TNFAIP8L3: variants seen among roughly 807,000 people sequenced by gnomAD.
TNFAIP8L3 encodes the protein tumor necrosis factor alpha-induced protein 8-like protein 3.
In TNFAIP8L3, 7 loss-of-function variants were observed where a neutral mutation model predicts 11.8. That is an observed-to-expected ratio of 0.59 (90% CI 0.34 to 1.11). The LOEUF (loss-of-function observed/expected upper bound fraction) is 1.11, where lower values mean the gene tolerates loss of function less well. Ranked by LOEUF, TNFAIP8L3 falls within the 50% of genes most tolerant of loss-of-function variation. TNFAIP8L3 has a pLI of 0.03. For synonymous variants in TNFAIP8L3, 98 were observed against 103.8 expected, an observed-to-expected ratio of 0.94 and a Z score of 0.34; for missense variants, 219 against 258.6, an observed-to-expected ratio of 0.85 and a Z score of 1.05.
At chr15:51,070,873 C>T (rs1487090817) in intron 1 of TNFAIP8L3, among the ~76,000 whole-genome samples, 2 of 143,068 alleles carry the variant, frequency 1.4e-5, no homozygotes, top group Non-Finnish European at 3.1e-5. Flanking sequence ...GGTGAAACCC[C>T]GTCTCTACTA....
chr15:51,061,941 CTT>C (rs1226166944), intron 1 of TNFAIP8L3, among the ~76,000 whole-genome samples: 1 of 152,106 alleles, frequency 6.6e-6, no homozygotes, highest in African/African-American at 2.4e-5. Context: ...CACATCAACT[CTT>C]TGTTTGCCAG....
In TNFAIP8L3 at chr15:51,094,390, G is replaced by GA. The variant is rs1028117028; in HGVS notation, c.52+153dup. 9.2e-5 allele frequency among the ~76,000 whole-genome samples: 14 copies of GA among 152,228 alleles called. No individual in the cohort carries two copies. The highest frequency in any genetic ancestry group is 3.1e-4 in the African/African-American group (13 of 41,540). On this transcript the variant is annotated intron_variant, in intron 1 of 1. Transcript: ENST00000637513. The surrounding 1 kb of genome is among the most constrained non-coding windows in gnomAD (Gnocchi z 4.4). ...GCGCCCAAGTGCAATGGGGTTGGGG[G>GA]AAGCCCCAAAGCAAACTCACGACGC...
At chr15:51,084,130 CT>C (rs1473818415) in intron 1 of TNFAIP8L3, among the ~76,000 whole-genome samples, 1 of 152,126 alleles carries the variant, frequency 6.6e-6, no homozygotes, top group Non-Finnish European at 1.5e-5. Context: ...ACGTGTGTGA[CT>C]GTGAGGGGAG....
chr15:51,080,522 C>T (rs928554537), intron 1 of TNFAIP8L3, among the ~76,000 whole-genome samples: 4 of 152,186 alleles, frequency 2.6e-5, no homozygotes, highest in African/African-American at 7.2e-5. Flanking sequence ...CCTCCCTTCA[C>T]TCTTTACCCC....
At chr15:51,095,804 A>G (rs1595621470), upstream of TNFAIP8L3, among the ~76,000 whole-genome samples, 2 of 152,080 alleles carry the variant, frequency 1.3e-5, no homozygotes, top group Admixed American at 6.5e-5. Flanking sequence ...TACACTCACA[A>G]AGCCTCAAGC....
At chr15:51,079,781 C>G (rs979740141) in intron 1 of TNFAIP8L3, among the ~76,000 whole-genome samples, 1 of 143,350 alleles carries the variant, frequency 7.0e-6, no homozygotes, top group African/African-American at 2.6e-5. Context: ...GCTAGGAGTT[C>G]GAGGCTGCAG....
At chr15:51,096,855 C>G (rs1433691342), upstream of TNFAIP8L3, among the ~76,000 whole-genome samples, 1 of 140,354 alleles carries the variant, frequency 7.1e-6, no homozygotes, top group Non-Finnish European at 1.5e-5. Flanking sequence ...CGTGCCATTG[C>G]ACTCCAGCCT....
chr15:51,069,081 C>T (rs978788185), intron 1 of TNFAIP8L3, among the ~76,000 whole-genome samples: 3 of 152,104 alleles, frequency 2.0e-5, no homozygotes, highest in Non-Finnish European at 2.9e-5. Context: ...AGTGAATTAC[C>T]GGAGACAACC....
In TNFAIP8L3 at chr15:51,057,277, CT is replaced by C. The variant is rs2065212173; in HGVS notation, c.*603del. 1 of 152,208 alleles carries C rather than the reference CT, an allele frequency of 6.6e-6. No individual in the cohort carries two copies. Among genetic ancestry groups the C allele is most frequent in the Non-Finnish European group, 1.5e-5 (1 of 68,050 alleles). The allele number at this position is 152,208 out of a possible 1,614,324, so 9.4% of individuals were successfully genotyped here. On this transcript the variant is annotated 3_prime_UTR_variant, in exon 2 of 2. Transcript: ENST00000637513. ...TACTTTTTCACACCTTTGGATTTCA[CT>C]TTGTCTGAAGCAGTGCATTTAGAGA...
At chr15:51,083,763 G>C (rs1419139183) in intron 1 of TNFAIP8L3, among the ~76,000 whole-genome samples, 1 of 152,226 alleles carries the variant, frequency 6.6e-6, no homozygotes, top group Non-Finnish European at 1.5e-5. Context: ...GAGAAAGCAA[G>C]GGCTGAGGCT....
intron 1 of TNFAIP8L3, among the ~76,000 whole-genome samples, chr15:51,082,922 C>A (rs1449304401): frequency 1.3e-5 from 2 of 152,086 alleles, no homozygotes; most frequent in African/African-American, 4.8e-5. Flanking sequence ...TAATTTTATA[C>A]CTGAAAAGGA....
intron 1 of TNFAIP8L3, among the ~76,000 whole-genome samples, chr15:51,093,323 C>T (rs182097622): frequency 1.4e-4 from 22 of 152,270 alleles, no homozygotes; most frequent in African/African-American, 4.8e-4. Context: ...GGGTGAAGGG[C>T]GTCACTGGGT....
chr15:51,071,668 CT>C (rs1203749308), intron 1 of TNFAIP8L3, among the ~76,000 whole-genome samples: 1 of 152,200 alleles, frequency 6.6e-6, no homozygotes, highest in African/African-American at 2.4e-5. Context: ...AAAGTGTCTC[CT>C]TGTGCGCACA....
intron 1 of TNFAIP8L3, chr15:51,104,936 T>A: frequency 3.1e-6 from 5 of 1,600,950 alleles, no homozygotes; most frequent in Non-Finnish European, 4.3e-6. Flanking sequence ...GCTCGCCACC[T>A]TGCATGCTTT....
chr15:51,082,753 A>C (rs1055478394), intron 1 of TNFAIP8L3, among the ~76,000 whole-genome samples: 5 of 151,956 alleles, frequency 3.3e-5, no homozygotes, highest in Admixed American at 1.3e-4. Context: ...TACTTTTTAA[A>C]CTTTTTTGTT....
rs1797915422 is a variant in TNFAIP8L3, at chr15:51,088,004, C to T, written c.52+6540G>A. Among the ~76,000 whole-genome samples, 2 of 142,768 alleles carry T rather than the reference C, an allele frequency of 1.4e-5. 1 individual carries two copies. The highest frequency in any genetic ancestry group is 5.2e-5 in the African/African-American group (2 of 38,596). 93.7% of individuals were successfully genotyped at this position (142,768 alleles called of 152,430 possible). A position where few individuals can be genotyped will look rare whatever the true frequency, so the allele number is the denominator to read the frequency against. On this transcript the variant is annotated intron_variant, in intron 1 of 1. Transcript: ENST00000637513. ...TTTTGGATTGGATTTTTAGAGGAAA[C>T]TTGTCTTTTAAATTCTTCTTCTCTA...
intron 1 of TNFAIP8L3, among the ~76,000 whole-genome samples, chr15:51,073,537 A>T (rs1002642708): frequency 2.6e-5 from 4 of 152,246 alleles, no homozygotes; most frequent in African/African-American, 9.6e-5. Flanking sequence ...TGATCCCTGT[A>T]TACTTATCTC....
Position 51,058,409 on chromosome 15 carries a change from A to T in TNFAIP8L3, c.87T>A (p.Leu29=). ...TGCTCAGAATCTTCTTCTGGGCTTG[A>T]AGCGCAAGACTCTTTGAACTAAAAA... is the stretch of plus-strand genomic sequence containing the variant. ...PDVFSSKSLA[L]QAQKKILSKI... The change falls in exon 2 of 2, where the codon CTT becomes CTA. Residue 29 remains leucine, a synonymous_variant. Coordinates refer to ENST00000637513, the MANE Select transcript of TNFAIP8L3 (RefSeq NM_001311175.2). The T allele has an allele frequency of 1.2e-6, 2 of 1,610,298 alleles. No homozygotes were observed. Among genetic ancestry groups the T allele is most frequent in the Non-Finnish European group, 8.5e-7 (1 of 1,179,214 alleles).
rs2065498861 is a variant in TNFAIP8L3, at chr15:51,094,705, C to T, written c.-110G>A. On this transcript the variant is annotated 5_prime_UTR_variant, in exon 1 of 2. Transcript: ENST00000637513. This position sits in a 1 kb window ranked among gnomAD's most constrained non-coding sequence, Gnocchi z 4.4. ...CGGGGCGGCTGGAGCCCGGGCGGCG[C>T]GGGCGGCGCGGGCTGGGCGGTGCGC... 4 of 963,670 alleles carry T rather than the reference C, an allele frequency of 4.2e-6. No homozygotes were observed. The highest frequency in any genetic ancestry group is 4.9e-6 in the Non-Finnish European group (4 of 824,184). The allele number at this position is 963,670 out of a possible 1,614,324, so 59.7% of individuals were successfully genotyped here.
Sources: allele counts gnomAD v4.1 joint callset (sites outside exome capture counted in the v4.1 genomes callset), GRCh38; gene constraint gnomAD v4.1.1; non-coding constraint Gnocchi (gnomAD v3.1); transcripts MANE v1.5; gene names NCBI Gene and HGNC (gene_info 2026-07-23, HGNC 2026-07-21).